The following CFAP61 variants were observed in gnomAD, a reference collection of about 807,000 sequenced individuals.
CFAP61 encodes the protein cilia and flagella associated protein 61.
In CFAP61, 107 loss-of-function variants were observed where a neutral mutation model predicts 135.6. The observed-to-expected ratio is 0.79, with a 90% confidence interval of 0.67 to 0.93. CFAP61 has a LOEUF of 0.93. CFAP61 is among the 40% of genes least tolerant of loss of function. The pLI is 0.00. For missense variants in CFAP61, 1,507 were observed against 1,556.2 expected (o/e 0.97, Z 0.53); for synonymous variants, 575 against 578.5 (o/e 0.99, Z 0.09).
chr20:20,236,008 A>G (rs2049563021), intron 18 of CFAP61, among the ~76,000 whole-genome samples: 1 of 152,222 alleles, frequency 6.6e-6, no homozygotes, highest in African/African-American at 2.4e-5. Flanking sequence ...AACACTTACC[A>G]GTATAGTAAG....
intron 7 of CFAP61, 57 bp from the exon 8 acceptor site, chr20:20,098,598 A>T (rs1329015619): frequency 2.4e-6 from 3 of 1,267,190 alleles, no homozygotes; most frequent in Non-Finnish European, 2.1e-6. Context: ...ACAGAGCGAG[A>T]CTTTGTCTCA....
intron 13 of CFAP61, 74 bp downstream of exon 13, chr20:20,169,534 TA>T: frequency 8.0e-7 from 1 of 1,257,426 alleles, no homozygotes; most frequent in East Asian, 2.7e-5. Context: ...AACTCCCTGC[TA>T]TTATAATTTA....
At chr20:20,248,320 A>G (rs2050624337) in intron 19 of CFAP61, among the ~76,000 whole-genome samples, 1 of 152,236 alleles carries the variant, frequency 6.6e-6, no homozygotes, top group Non-Finnish European at 1.5e-5. Context: ...CATAACCCCA[A>G]TAAAGGAAAT....
At chr20:20,304,842 G>T (rs2056369051) in intron 25 of CFAP61, among the ~76,000 whole-genome samples, 1 of 152,004 alleles carries the variant, frequency 6.6e-6, no homozygotes, top group Non-Finnish European at 1.5e-5. Context: ...CCTGTCCCGT[G>T]TCTTCTCGGC....
At chr20:20,222,358 A>G (rs1053253695) in intron 17 of CFAP61, among the ~76,000 whole-genome samples, 1 of 152,230 alleles carries the variant, frequency 6.6e-6, no homozygotes, top group Non-Finnish European at 1.5e-5. Context: ...ATTGAATCAT[A>G]GAGGCTACCA....
In CFAP61 at chr20:20,075,363, A is replaced by G. The variant is rs548668109; in HGVS notation, c.439+107A>G. The G allele has an allele frequency of 2.6e-4, 370 of 1,441,602 alleles. 6 individuals are homozygous for G. Among genetic ancestry groups the G allele is most frequent in the South Asian group, 2.5e-3 (215 of 87,216 alleles). 89.3% of individuals were successfully genotyped at this position (1,441,602 alleles called of 1,614,324 possible). A position where few individuals can be genotyped will look rare whatever the true frequency, so the allele number is the denominator to read the frequency against. ...AATAAGAGTGGTCTCCAGGTCCTCA[A>G]TGTACCATGTGCATATTTTATTAGA... is the stretch of plus-strand genomic sequence containing the variant. On this transcript the variant is annotated intron_variant, in intron 5 of 26. Transcript: ENST00000245957.
intron 25 of CFAP61, among the ~76,000 whole-genome samples, chr20:20,330,485 G>A (rs886567962): frequency 6.6e-6 from 1 of 152,088 alleles, no homozygotes; most frequent in African/African-American, 2.4e-5. Flanking sequence ...ACAGGCATGT[G>A]ACACCCCACC....
intron 8 of CFAP61, among the ~76,000 whole-genome samples, chr20:20,121,781 A>G (rs532694026): frequency 3.9e-5 from 6 of 152,322 alleles, no homozygotes; most frequent in Admixed American, 3.9e-4. Flanking sequence ...GGTACAAGCC[A>G]CTGCACCTAG....
In CFAP61 at chr20:20,118,265, C is replaced by G. The variant is rs796862144; in HGVS notation, c.859+19451C>G. Among the ~76,000 whole-genome samples, 359 of 66,116 alleles carry G rather than the reference C, an allele frequency of 5.4e-3. 1 individual carries two copies. The highest frequency in any genetic ancestry group is 0.013 in the African/African-American group (338 of 26,990). The allele number at this position is 66,116 out of a possible 152,430, so 43.4% of individuals were successfully genotyped here. ...TATTTTGAGGTATGTTTCTTTCTTT[C>G]TTTCTTTCTTTCTTTCTTTCTTTCT... On this transcript the variant is annotated intron_variant, in intron 8 of 26. Transcript: ENST00000245957.
chr20:20,269,186 CACATATAT>C (rs1569219626), intron 21 of CFAP61, among the ~76,000 whole-genome samples: 375 of 90,574 alleles, frequency 4.1e-3, no homozygotes, highest in Middle Eastern at 8.6e-3. Context: ...TATATACACA[CACATATAT>C]ACATATATGT....
At chr20:20,329,958 T>C (rs2057921077) in intron 25 of CFAP61, among the ~76,000 whole-genome samples, 1 of 152,226 alleles carries the variant, frequency 6.6e-6, no homozygotes, top group African/African-American at 2.4e-5. Flanking sequence ...CCGTCATCTC[T>C]TGCTGTCAGA....
rs1278117301 is a variant in CFAP61, at chr20:20,359,020, C to T, written c.3514-1190C>T. ...TACCCTGCTCTGGAGGGCAGATATG[C>T]AGTGGTGAAGCAAATATAGCAGATG... On this transcript the variant is annotated intron_variant, in intron 26 of 26. Coordinates refer to ENST00000245957, the MANE Select transcript of CFAP61 (RefSeq NM_015585.4). This position sits in a 1 kb window ranked among gnomAD's most constrained non-coding sequence, Gnocchi z 4.0. 6.6e-6 allele frequency among the ~76,000 whole-genome samples: 1 copy of T among 152,154 alleles called. No individual in the cohort carries two copies. Among genetic ancestry groups the T allele is most frequent in the East Asian group, 1.9e-4 (1 of 5,190 alleles).
At chr20:20,273,495 A>G (rs532686598) in intron 21 of CFAP61, among the ~76,000 whole-genome samples, 27 of 152,354 alleles carry the variant, frequency 1.8e-4, no homozygotes, top group African/African-American at 5.8e-4. Flanking sequence ...AAATCTGGCT[A>G]CAGTGAGTCA....
chr20:20,234,357 C>T (rs1301902592), intron 18 of CFAP61, among the ~76,000 whole-genome samples: 1 of 152,086 alleles, frequency 6.6e-6, no homozygotes, highest in Non-Finnish European at 1.5e-5. Flanking sequence ...CTTATGGTCC[C>T]TTAGTTTGCT....
At chr20:20,071,210 G>C (rs1370429561) in intron 3 of CFAP61, among the ~76,000 whole-genome samples, 1 of 152,224 alleles carries the variant, frequency 6.6e-6, no homozygotes, top group Non-Finnish European at 1.5e-5. Flanking sequence ...AAGTTGGCTA[G>C]CCGCTGGCAA....
Position 20,142,927 on chromosome 20 carries a change from A to G in CFAP61, c.930A>G (p.Pro310=). The G allele has an allele frequency of 2.5e-6, 4 of 1,594,426 alleles. No individual in the cohort carries two copies. Among genetic ancestry groups the G allele is most frequent in the Non-Finnish European group, 3.4e-6 (4 of 1,168,672 alleles). The change falls in exon 9 of 27, where the codon CCA becomes CCG. Residue 310 remains proline (P), a synonymous_variant. Transcript: ENST00000245957. ...AGGAGTTGCAGGAACCTGTCTCTCCAGATACCATGGAAAACATCCAGGTGA... is the reference window on the plus strand; with the variant it reads ...AGGAGTTGCAGGAACCTGTCTCTCCGGATACCATGGAAAACATCCAGGTGA... ...IVEELQEPVS[P]DTMENIQGNI... is the part of the protein sequence containing the mutation.
At chr20:20,137,272 G>A (rs1035278069) in intron 8 of CFAP61, among the ~76,000 whole-genome samples, 1 of 152,096 alleles carries the variant, frequency 6.6e-6, no homozygotes, top group Non-Finnish European at 1.5e-5. Flanking sequence ...TTCTCTCAAG[G>A]CCCTAGGGCT....
chr20:20,075,741 C>T (rs2046005868), intron 6 of CFAP61, 126 bp downstream of exon 6: 3 of 925,544 alleles, frequency 3.2e-6, no homozygotes, highest in South Asian at 1.7e-5. Flanking sequence ...TACTCATAAG[C>T]ATTACTTCAT....
In CFAP61 at chr20:20,277,339, G is replaced by C; in HGVS notation, c.2677G>C (p.Ala893Pro). 1 of 1,614,146 alleles carries C rather than the reference G, an allele frequency of 6.2e-7. No homozygotes were observed. The highest frequency in any genetic ancestry group is 8.5e-7 in the Non-Finnish European group (1 of 1,180,026). Reference protein sequence around the residue: ...ESAVADALGAAGVTMYRDAIL... With the variant: ...ESAVADALGAPGVTMYRDAIL... ...CGCCGTGGCGGACGCGCTAGGAGCCGCCGGAGTCACTATGTACCGGGATGC... is the reference window on the plus strand; with the variant it reads ...CGCCGTGGCGGACGCGCTAGGAGCCCCCGGAGTCACTATGTACCGGGATGC... The change falls in exon 22 of 27, where the codon GCC (alanine) becomes CCC (proline). Residue 893 changes from alanine (A) to proline (P), a missense_variant. Transcript: ENST00000245957.
Sources: gnomAD v4.1 joint callset for allele counts (sites outside exome capture counted in the v4.1 genomes callset) on GRCh38, gnomAD v4.1.1 for gene constraint, Gnocchi (gnomAD v3.1) non-coding constraint, MANE v1.5 for transcripts, NCBI Gene and HGNC (gene_info 2026-07-23, HGNC 2026-07-21) for gene names.